Variants in OAS1 observed in about 807,000 individuals in gnomAD.
The protein encoded by OAS1 is 2'-5'-oligoadenylate synthetase 1, also known as 2'-5'-oligoadenylate synthase 1.
Under a neutral mutation model 38.5 loss-of-function variants are expected in OAS1, and 24 were observed. That is an observed-to-expected ratio of 0.62 (90% CI 0.45 to 0.88). The LOEUF (loss-of-function observed/expected upper bound fraction) is 0.88. Ranked by LOEUF, OAS1 falls within the 40% of genes least tolerant of loss-of-function variation. The probability of loss-of-function intolerance (pLI) is 0.00; values close to 1 mark genes in which losing one functional copy is unlikely to be tolerated. For synonymous variants in OAS1, 169 were observed against 193.9 expected, an observed-to-expected ratio of 0.87 and a Z score of 1.07; for missense variants, 482 against 493.9, an observed-to-expected ratio of 0.98 and a Z score of 0.23.
chr12:112,919,591 T>A lies in OAS1; in HGVS notation c.*38T>A. The A allele has an allele frequency of 1.2e-6, 2 of 1,614,144 alleles. No homozygotes were observed. The highest frequency in any genetic ancestry group is 8.5e-7 in the Non-Finnish European group (1 of 1,180,006). On this transcript the variant is annotated 3_prime_UTR_variant, in exon 6 of 6. Transcript: ENST00000202917. ...CTTGGGGGAAAGGGCTCCAGTGTTATCTGGACCAGTTCCTTCATTTTCAGG... is the reference window on the plus strand; with the variant it reads ...CTTGGGGGAAAGGGCTCCAGTGTTAACTGGACCAGTTCCTTCATTTTCAGG...
intron 6 of OAS1, among the ~76,000 whole-genome samples, chr12:112,924,989 C>A (rs2136331740): frequency 6.6e-6 from 1 of 152,264 alleles, no homozygotes; most frequent in South Asian, 2.1e-4. Flanking sequence ...AACATTGAAG[C>A]ACCTGAGCTG....
chr12:112,915,417 T>C (rs922096758), intron 3 of OAS1, among the ~76,000 whole-genome samples: 7 of 152,224 alleles, frequency 4.6e-5, no homozygotes, highest in African/African-American at 1.7e-4. Flanking sequence ...TTGTCAAAGA[T>C]CAGTTGGCTG....
At chr12:112,907,289 A>G (rs941008612) in intron 1 of OAS1, 70 bp downstream of exon 1, 2 of 1,482,366 alleles carry the variant, frequency 1.3e-6, no homozygotes, top group African/African-American at 1.4e-5. Context: ...AGAATGAGAG[A>G]GAGAGAGAGA....
intron 3 of OAS1, among the ~76,000 whole-genome samples, chr12:112,914,405 G>A (rs1302749834): frequency 1.3e-5 from 2 of 152,184 alleles, no homozygotes; most frequent in Non-Finnish European, 2.9e-5. Context: ...ATAAACATGT[G>A]TGTGCAAGTA....
chr12:112,912,810 C>T (rs2043405034), intron 3 of OAS1, among the ~76,000 whole-genome samples: 1 of 152,188 alleles, frequency 6.6e-6, no homozygotes, highest in Admixed American at 6.5e-5. Context: ...TAAAACAAGA[C>T]AAGATTAACA....
Position 112,911,236 on chromosome 12 carries a change from G to A in OAS1, c.654+1G>A, listed in dbSNP as rs774712843. On this transcript the variant is annotated splice_donor_variant, in intron 3 of 5. Coordinates refer to ENST00000202917, the MANE Select transcript of OAS1 (RefSeq NM_016816.4). LOFTEE classifies it high-confidence loss of function. The stretch of plus-strand genomic sequence containing the variant: ...CCTAGTCAAGCACTGGTACCAAAAT[G>A]TATGGCCCTCCCACCAGGCCTGGTG... The A allele has an allele frequency of 1.2e-6, 2 of 1,609,124 alleles. No individual in the cohort carries two copies. Among genetic ancestry groups the A allele is most frequent in the Non-Finnish European group, 1.7e-6 (2 of 1,177,486 alleles).
At chr12:112,930,044 T>C (rs917464237) in intron 6 of OAS1, among the ~76,000 whole-genome samples, 14 of 152,132 alleles carry the variant, frequency 9.2e-5, no homozygotes, top group African/African-American at 2.9e-4. Flanking sequence ...TTCTCATGGG[T>C]AGTTTAACAC....
rs2043481202 is a variant in OAS1, at chr12:112,917,649, C to T, written c.987C>T (p.Tyr329=). ...AAGAGGCTGAGGCCTGGCTGAATTA[C>T]CCATGCTTTAAGAATTGGGATGGGT... ...LAQEAEAWLN[Y]PCFKNWDGSP... is the part of the protein sequence containing the mutation. Residue 329 remains tyrosine, a synonymous_variant, in exon 5 of 6, where the codon TAC becomes TAT. Coordinates refer to ENST00000202917, the MANE Select transcript of OAS1 (RefSeq NM_016816.4). 1.2e-6 allele frequency: 2 copies of T among 1,614,180 alleles called. No homozygotes were observed. Among genetic ancestry groups the T allele is most frequent in the Non-Finnish European group, 1.7e-6 (2 of 1,180,046 alleles).
downstream of OAS1, among the ~76,000 whole-genome samples, chr12:112,921,341 T>C (rs890960136): frequency 1.3e-5 from 2 of 152,222 alleles, no homozygotes; most frequent in African/African-American, 2.4e-5. Flanking sequence ...AATGGCTTCA[T>C]TGTATTTTAC....
intron 3 of OAS1, among the ~76,000 whole-genome samples, chr12:112,913,842 G>A (rs2043417743): frequency 6.6e-6 from 1 of 152,036 alleles, no homozygotes; most frequent in African/African-American, 2.4e-5. Context: ...TGTGACATGA[G>A]CACACACAGA....
chr12:112,928,780 T>G (rs992790518), intron 6 of OAS1, among the ~76,000 whole-genome samples: 2 of 152,196 alleles, frequency 1.3e-5, no homozygotes, highest in African/African-American at 4.8e-5. Context: ...AACCATCGTC[T>G]TTAGTGGGAG....
At chr12:112,913,245 T>G (rs888318010) in intron 3 of OAS1, among the ~76,000 whole-genome samples, 2 of 152,246 alleles carry the variant, frequency 1.3e-5, no homozygotes, top group Non-Finnish European at 2.9e-5. Flanking sequence ...CTTTTATAAG[T>G]AACCTGTCTT....
intron 2 of OAS1, among the ~76,000 whole-genome samples, chr12:112,909,694 C>T (rs1454447100): frequency 6.6e-6 from 1 of 152,166 alleles, no homozygotes; most frequent in Non-Finnish European, 1.5e-5. Context: ...TCAGTCAAAA[C>T]TATGAATTTC....
At chr12:112,932,208 T>C, downstream of OAS1, 1 of 313,472 alleles carries the variant, frequency 3.2e-6, no homozygotes, top group Non-Finnish European at 5.8e-6. Context: ...AAGAAAAAAA[T>C]ACAAGGTAGA....
chr12:112,931,186 A>G (rs2043594809), intron 6 of OAS1, among the ~76,000 whole-genome samples: 1 of 152,226 alleles, frequency 6.6e-6, no homozygotes, highest in African/African-American at 2.4e-5. Flanking sequence ...AACCATAACC[A>G]TTGCAGTCTC....
At chr12:112,926,003 CA>C (rs2043556025) in intron 6 of OAS1, among the ~76,000 whole-genome samples, 1 of 152,234 alleles carries the variant, frequency 6.6e-6, no homozygotes. Flanking sequence ...GCTGGGGATG[CA>C]AAGATGAGCA....
At chr12:112,918,568 G>A in intron 5 of OAS1, 1 of 439,186 alleles carries the variant, frequency 2.3e-6, no homozygotes, top group Non-Finnish European at 4.6e-6. Flanking sequence ...GTCCCATGAG[G>A]CATGTTTTCT....
intron 2 of OAS1, among the ~76,000 whole-genome samples, chr12:112,909,616 G>A (rs988168781): frequency 7.9e-5 from 12 of 152,288 alleles, no homozygotes; most frequent in African/African-American, 2.9e-4. Flanking sequence ...AGTGAGCCAC[G>A]AATGTACCAC....
chr12:112,930,935 G>C (rs1249586095), intron 6 of OAS1, among the ~76,000 whole-genome samples: 3 of 152,166 alleles, frequency 2.0e-5, no homozygotes, highest in African/African-American at 7.2e-5. Context: ...GCTGGCTGCT[G>C]ATCAACATTT....
Sources: allele counts gnomAD v4.1 joint callset (sites outside exome capture counted in the v4.1 genomes callset), GRCh38; gene constraint gnomAD v4.1.1; transcripts MANE v1.5; gene names NCBI Gene and HGNC (gene_info 2026-07-23, HGNC 2026-07-21).